Variants in SNX29 observed in about 807,000 individuals in gnomAD.
The protein encoded by SNX29 is sorting nexin 29.
SNX29 carries 78 observed loss-of-function variants against 102.1 expected under a neutral mutation model. The ratio of observed to expected loss-of-function variants is 0.76; its 90% CI spans 0.64 to 0.92. The LOEUF (loss-of-function observed/expected upper bound fraction) is 0.92, where lower values mean the gene tolerates loss of function less well. SNX29 is among the 40% of genes least tolerant of loss of function. The pLI, the probability that SNX29 is intolerant of heterozygous loss-of-function variation, is 0.00. For synonymous variants in SNX29, 580 were observed against 414.5 expected (o/e 1.40, Z -4.85); for missense variants, 1,280 against 1,061.7 (o/e 1.21, Z -2.86).
At chr16:12,441,170 C>G (rs942207491) in intron 18 of SNX29, among the ~76,000 whole-genome samples, 4 of 150,792 alleles carry the variant, frequency 2.7e-5, no homozygotes, top group African/African-American at 9.8e-5. Context: ...TCACTGCAAG[C>G]TCCGCCTCCT....
intron 13 of SNX29, among the ~76,000 whole-genome samples, chr16:12,142,755 G>A (rs950169114): frequency 8.6e-5 from 13 of 151,870 alleles, no homozygotes; most frequent in African/African-American, 2.9e-4. Flanking sequence ...TAGTAGAGAC[G>A]GGGTTTCATG....
intron 20 of SNX29, among the ~76,000 whole-genome samples, chr16:12,550,531 C>CAAAAA (rs34325828): frequency 9.2e-6 from 1 of 108,180 alleles, no homozygotes. Flanking sequence ...TCTCAATCTA[C>CAAAAA]AAAAAAAAAA....
chr16:12,381,424 C>T (rs187589079), intron 16 of SNX29, among the ~76,000 whole-genome samples: 3 of 64,404 alleles, frequency 4.7e-5, no homozygotes, highest in Non-Finnish European at 9.0e-5. Context: ...CCATCATCCA[C>T]CCACCCACCC....
At chr16:12,540,620 A>G (rs936100196) in intron 20 of SNX29, among the ~76,000 whole-genome samples, 8 of 152,098 alleles carry the variant, frequency 5.3e-5, no homozygotes, top group Non-Finnish European at 8.8e-5. Flanking sequence ...GGGTGGACCT[A>G]AAGAGTCCAG....
chr16:12,234,432 G>T (rs993104110), intron 14 of SNX29, among the ~76,000 whole-genome samples: 7 of 151,798 alleles, frequency 4.6e-5, no homozygotes, highest in Admixed American at 2.0e-4. Context: ...TTGTTGAGTT[G>T]TATGAGTTCT....
intron 18 of SNX29, 61 bp from the exon 19 acceptor site, chr16:12,477,658 G>C (rs185878424): frequency 1.3e-6 from 2 of 1,586,632 alleles, no homozygotes; most frequent in East Asian, 2.3e-5. Flanking sequence ...AAGCATAGCC[G>C]AAATCCTACT....
chr16:12,118,336 T>TTTTTTTTTTA (rs1555464077), intron 11 of SNX29, among the ~76,000 whole-genome samples: 1 of 145,358 alleles, frequency 6.9e-6, no homozygotes, highest in Non-Finnish European at 1.5e-5. Flanking sequence ...TTTTTTTTTT[T>TTTTTTTTTTA]ATGAGATGGA....
chr16:12,035,570 G>T (rs2057451470), intron 4 of SNX29, among the ~76,000 whole-genome samples: 2 of 152,194 alleles, frequency 1.3e-5, no homozygotes, highest in South Asian at 4.1e-4. Context: ...GGCTGGTTCA[G>T]TTTGGGATGT....
chr16:12,036,760 AC>A (rs2057487764), intron 4 of SNX29, among the ~76,000 whole-genome samples: 1 of 152,120 alleles, frequency 6.6e-6, no homozygotes, highest in African/African-American at 2.4e-5. Flanking sequence ...GTTGCTCAGC[AC>A]CTGGTGTGTT....
At chr16:12,022,895 C>CA (rs1457596883) in intron 3 of SNX29, among the ~76,000 whole-genome samples, 1 of 124,168 alleles carries the variant, frequency 8.1e-6, no homozygotes, top group East Asian at 2.1e-4. Context: ...TACCTTATTC[C>CA]TTTTTTTTTT....
In SNX29 at chr16:12,048,632, C is replaced by T. The variant is rs377208446; in HGVS notation, c.748+12C>T. ...GAATGTCAGTGCTGGTGAGTGGGAACGGGTGCTCGAGGCGGAGCAGAGGGA... is the reference window on the plus strand; with the variant it reads ...GAATGTCAGTGCTGGTGAGTGGGAATGGGTGCTCGAGGCGGAGCAGAGGGA... On this transcript the variant is annotated intron_variant, in intron 7 of 20. Transcript: ENST00000566228. 48 of 1,613,758 alleles carry T rather than the reference C, an allele frequency of 3.0e-5. No homozygotes were observed. Among genetic ancestry groups the T allele is most frequent in the African/African-American group, 2.7e-4 (20 of 74,888 alleles).
chr16:12,549,207 T>C (rs772501431), intron 20 of SNX29, among the ~76,000 whole-genome samples: 1 of 152,188 alleles, frequency 6.6e-6, no homozygotes, highest in Non-Finnish European at 1.5e-5. Context: ...CTCACGATGC[T>C]TGTGTCTGCC....
At chr16:12,213,548 A>G (rs1375277907) in intron 14 of SNX29, among the ~76,000 whole-genome samples, 1 of 152,232 alleles carries the variant, frequency 6.6e-6, no homozygotes, top group Non-Finnish European at 1.5e-5. Context: ...GTGATGACAC[A>G]CGCAAAGTAG....
intron 20 of SNX29, among the ~76,000 whole-genome samples, chr16:12,541,271 G>A (rs746858497): frequency 9.8e-5 from 15 of 152,300 alleles, no homozygotes; most frequent in Non-Finnish European, 1.9e-4. Context: ...GAGAATGACA[G>A]GAGCAGGGGA....
At chr16:12,217,849 A>G (rs932279721) in intron 14 of SNX29, among the ~76,000 whole-genome samples, 4 of 152,224 alleles carry the variant, frequency 2.6e-5, no homozygotes, top group African/African-American at 9.6e-5. Flanking sequence ...CTCCATCTAT[A>G]AAACGTGGAT....
At chr16:12,507,334 T>G (rs1379535593) in intron 19 of SNX29, among the ~76,000 whole-genome samples, 1 of 152,230 alleles carries the variant, frequency 6.6e-6, no homozygotes, top group Admixed American at 6.5e-5. Flanking sequence ...TTGACTCCTG[T>G]CTGGCGTTGC....
At chr16:12,125,872 A>C (rs1270836810) in intron 11 of SNX29, among the ~76,000 whole-genome samples, 2 of 152,000 alleles carry the variant, frequency 1.3e-5, no homozygotes, top group African/African-American at 4.8e-5. Flanking sequence ...TAACATTTTC[A>C]GCTATGAGGT....
intron 14 of SNX29, among the ~76,000 whole-genome samples, chr16:12,236,137 G>A (rs2077925491): frequency 6.6e-6 from 1 of 152,104 alleles, no homozygotes; most frequent in Non-Finnish European, 1.5e-5. Flanking sequence ...TTTTATATCT[G>A]TTTTCCCACA....
At chr16:12,533,744 G>C (rs543743152) in intron 20 of SNX29, among the ~76,000 whole-genome samples, 3 of 152,278 alleles carry the variant, frequency 2.0e-5, no homozygotes, top group South Asian at 2.1e-4. Context: ...GGTCATATAA[G>C]TGAATTAAGC....
Sources: allele counts gnomAD v4.1 joint callset (sites outside exome capture counted in the v4.1 genomes callset), GRCh38; gene constraint gnomAD v4.1.1; transcripts MANE v1.5; gene names NCBI Gene and HGNC (gene_info 2026-07-23, HGNC 2026-07-21).